FBXO42: variants seen among roughly 807,000 people sequenced by gnomAD.
FBXO42 encodes F-box protein 42.
FBXO42 carries 12 observed loss-of-function variants against 71.7 expected under a neutral mutation model. That is an observed-to-expected ratio of 0.17 (90% CI 0.11 to 0.27). FBXO42 has a LOEUF of 0.27. Ranked by LOEUF, FBXO42 falls within the 10% of genes least tolerant of loss-of-function variation. The probability of loss-of-function intolerance (pLI) is 1.00; values close to 1 mark genes in which losing one functional copy is unlikely to be tolerated. For synonymous variants in FBXO42, 325 were observed against 327.5 expected, an observed-to-expected ratio of 0.99 and a Z score of 0.08; for missense variants, 707 against 911.9, an observed-to-expected ratio of 0.78 and a Z score of 2.89.
At chr1:16,352,181 C>T (rs2100656775) in intron 1 of FBXO42, 74 bp downstream of exon 1, 1 of 391,798 alleles carries the variant, frequency 2.6e-6, no homozygotes, top group Non-Finnish European at 4.5e-6. Context: ...CCCGCTGCCC[C>T]TTGCCAGTCC....
At chr1:16,281,838 A>G (rs1331584030) in intron 4 of FBXO42, among the ~76,000 whole-genome samples, 1 of 151,360 alleles carries the variant, frequency 6.6e-6, no homozygotes, top group African/African-American at 2.4e-5. Flanking sequence ...TGTATTTTTT[A>G]TTAGAGACAG....
chr1:16,322,173 TC>T (rs2082414390), intron 1 of FBXO42, among the ~76,000 whole-genome samples: 1 of 152,184 alleles, frequency 6.6e-6, no homozygotes, highest in Non-Finnish European at 1.5e-5. Flanking sequence ...TTAATACAAA[TC>T]TCTGGTTTAT....
At chr1:16,301,502 A>C (rs2082194201) in intron 3 of FBXO42, among the ~76,000 whole-genome samples, 1 of 151,812 alleles carries the variant, frequency 6.6e-6, no homozygotes, top group Non-Finnish European at 1.5e-5. Flanking sequence ...GTCTCTACTA[A>C]AACTACAAAA....
intron 3 of FBXO42, among the ~76,000 whole-genome samples, chr1:16,300,611 C>T (rs577630297): frequency 1.3e-5 from 2 of 152,296 alleles, no homozygotes; most frequent in African/African-American, 2.4e-5. Context: ...ATGTGTCTCA[C>T]ACCTACAAGC....
At chr1:16,280,947 TTGTG>T (rs777679382) in intron 4 of FBXO42, among the ~76,000 whole-genome samples, 10 of 152,078 alleles carry the variant, frequency 6.6e-5, no homozygotes, top group Admixed American at 3.9e-4. Context: ...TCCTCACTTG[TTGTG>T]TGTGTGTTTG....
chr1:16,265,106 T>A (rs1257911968), intron 4 of FBXO42, among the ~76,000 whole-genome samples: 2 of 152,192 alleles, frequency 1.3e-5, no homozygotes, highest in Non-Finnish European at 2.9e-5. Context: ...ATGTATATAT[T>A]TTTTGAGACG....
intron 1 of FBXO42, among the ~76,000 whole-genome samples, chr1:16,350,019 T>C (rs1253632035): frequency 6.6e-6 from 1 of 152,134 alleles, no homozygotes; most frequent in African/African-American, 2.4e-5. Context: ...CTCTCCATAA[T>C]AGGTAGGACT....
At chr1:16,301,390 C>T (rs372133300) in intron 3 of FBXO42, among the ~76,000 whole-genome samples, 14 of 152,118 alleles carry the variant, frequency 9.2e-5, no homozygotes, top group African/African-American at 2.9e-4. Flanking sequence ...AGGCTGGGTG[C>T]GGTGGCTCAC....
intron 4 of FBXO42, among the ~76,000 whole-genome samples, chr1:16,284,367 G>A (rs2081999278): frequency 6.6e-6 from 1 of 152,090 alleles, no homozygotes; most frequent in African/African-American, 2.4e-5. Flanking sequence ...ATTCCCTTTT[G>A]TTCATACAGA....
intron 1 of FBXO42, among the ~76,000 whole-genome samples, chr1:16,318,492 A>T (rs1050533523): frequency 6.6e-6 from 1 of 152,198 alleles, no homozygotes; most frequent in Non-Finnish European, 1.5e-5. Context: ...TAATAATTTT[A>T]AAAATGTCTT....
chr1:16,315,072 A>T (rs2082350788), intron 2 of FBXO42, 97 bp downstream of exon 2: 11 of 1,323,254 alleles, frequency 8.3e-6, no homozygotes, highest in Non-Finnish European at 1.1e-5. Flanking sequence ...TTATAACCAT[A>T]ATACATTTAA....
At chr1:16,286,670 T>A (rs759970141) in intron 4 of FBXO42, among the ~76,000 whole-genome samples, 11 of 152,162 alleles carry the variant, frequency 7.2e-5, no homozygotes, top group Non-Finnish European at 1.6e-4. Flanking sequence ...CTGAACTCCA[T>A]ATACATATAT....
intron 3 of FBXO42, among the ~76,000 whole-genome samples, chr1:16,296,006 T>C (rs757144903): frequency 4.7e-4 from 72 of 152,202 alleles, no homozygotes; most frequent in Non-Finnish European, 1.0e-3. Context: ...TAGATGATTG[T>C]ATACACATCA....
At chr1:16,316,014 T>C (rs2082360011) in intron 1 of FBXO42, among the ~76,000 whole-genome samples, 1 of 151,000 alleles carries the variant, frequency 6.6e-6, no homozygotes, top group South Asian at 2.1e-4. Context: ...CTACTAAAAA[T>C]TGAAAATTAG....
chr1:16,278,799 T>G (rs1174301360), intron 4 of FBXO42, among the ~76,000 whole-genome samples: 2 of 152,068 alleles, frequency 1.3e-5, no homozygotes, highest in Non-Finnish European at 2.9e-5. Context: ...GAGACGGAGT[T>G]TCGCTCTTGT....
chr1:16,250,559 G>A lies in FBXO42; in HGVS notation c.*111C>T, dbSNP rs970412534. The A allele has an allele frequency of 1.6e-6, 2 of 1,268,648 alleles. No individual in the cohort carries two copies. The highest frequency in any genetic ancestry group is 2.2e-6 in the Non-Finnish European group (2 of 928,854). The allele number at this position is 1,268,648 out of a possible 1,614,324, so 78.6% of individuals were successfully genotyped here. A position where few individuals can be genotyped will look rare whatever the true frequency, so the allele number is the denominator to read the frequency against. On this transcript the variant is annotated 3_prime_UTR_variant, in exon 10 of 10. Coordinates refer to ENST00000375592, the MANE Select transcript of FBXO42 (RefSeq NM_018994.3). The surrounding 1 kb of genome is among the most constrained non-coding windows in gnomAD (Gnocchi z 4.7). ...GGAGTGACTTCGGTTGGGAATTAAA[G>A]AGTTTTGGCTTCTGGGAGTAATTTT...
At chr1:16,351,070 G>C (rs1345239357) in intron 1 of FBXO42, among the ~76,000 whole-genome samples, 1 of 152,112 alleles carries the variant, frequency 6.6e-6, no homozygotes, top group Non-Finnish European at 1.5e-5. Flanking sequence ...TCTAAATGAT[G>C]GTACTTCCCC....
chr1:16,262,235 C>T (rs557192787), intron 4 of FBXO42, among the ~76,000 whole-genome samples: 58 of 152,254 alleles, frequency 3.8e-4, no homozygotes, highest in Middle Eastern at 3.4e-3. Flanking sequence ...GCTGCCCAGT[C>T]TGGTCTTTAA....
At chr1:16,309,214 C>T (rs146447869) in intron 2 of FBXO42, among the ~76,000 whole-genome samples, 3,548 of 150,910 alleles carry the variant, frequency 0.024, 138 homozygotes, top group African/African-American at 0.081. Flanking sequence ...ATTACAGGCA[C>T]GCGCCACCAT....
Sources: gnomAD v4.1 joint callset for allele counts (sites outside exome capture counted in the v4.1 genomes callset) on GRCh38, gnomAD v4.1.1 for gene constraint, Gnocchi (gnomAD v3.1) non-coding constraint, MANE v1.5 for transcripts, NCBI Gene and HGNC (gene_info 2026-07-23, HGNC 2026-07-21) for gene names.